The following PXDNL variants were observed in gnomAD, a reference collection of about 807,000 sequenced individuals.
PXDNL encodes the protein probable oxidoreductase PXDNL.
A neutral mutation model predicts 150.8 loss-of-function variants in PXDNL; 145 were observed. The observed-to-expected ratio is 0.96, with a 90% CI of 0.84 to 1.10. The LOEUF (loss-of-function observed/expected upper bound fraction) is 1.10. Ranked by LOEUF, PXDNL falls within the 50% of genes least tolerant of loss-of-function variation. PXDNL has a pLI of 0.00. For synonymous variants in PXDNL, 757 were observed against 725.7 expected (o/e 1.04, Z -0.69); for missense variants, 2,087 against 1,873.9 (o/e 1.11, Z -2.10).
At chr8:51,685,335 A>G (rs1266933421) in intron 1 of PXDNL, among the ~76,000 whole-genome samples, 2 of 152,220 alleles carry the variant, frequency 1.3e-5, no homozygotes, top group African/African-American at 4.8e-5. Context: ...CCCACATAAT[A>G]CAGGTTGTCT....
At chr8:51,560,939 C>CA (rs34861614) in intron 3 of PXDNL, among the ~76,000 whole-genome samples, 105 of 146,482 alleles carry the variant, frequency 7.2e-4, no homozygotes, top group Middle Eastern at 3.6e-3. Flanking sequence ...CAACAACAAC[C>CA]AAAAAAAAAA....
intron 17 of PXDNL, among the ~76,000 whole-genome samples, chr8:51,402,624 A>T (rs1310860336): frequency 2.0e-5 from 3 of 152,220 alleles, no homozygotes; most frequent in Non-Finnish European, 2.9e-5. Flanking sequence ...ATCCACAAAA[A>T]ATTACACACA....
At chr8:51,773,539 A>ACC (rs2037321911) in intron 1 of PXDNL, among the ~76,000 whole-genome samples, 1 of 152,206 alleles carries the variant, frequency 6.6e-6, no homozygotes, top group East Asian at 1.9e-4. Context: ...CAATAGCCCA[A>ACC]ACACCTTCTA....
At chr8:51,369,917 TC>T (rs1266569646) in intron 19 of PXDNL, among the ~76,000 whole-genome samples, 1 of 152,198 alleles carries the variant, frequency 6.6e-6, no homozygotes, top group South Asian at 2.1e-4. Context: ...GGAGCCCTCC[TC>T]CGAGTCTTCA....
intron 19 of PXDNL, among the ~76,000 whole-genome samples, chr8:51,353,068 C>T (rs1343370582): frequency 6.6e-6 from 1 of 151,968 alleles, no homozygotes; most frequent in Non-Finnish European, 1.5e-5. Flanking sequence ...AAAATGGCTA[C>T]AATCTTCTTC....
intron 3 of PXDNL, among the ~76,000 whole-genome samples, chr8:51,580,558 T>C (rs992970726): frequency 6.6e-6 from 1 of 152,172 alleles, no homozygotes; most frequent in Non-Finnish European, 1.5e-5. Context: ...ATCTGTTCAT[T>C]AGACTTTTGA....
At chr8:51,336,564 C>G (rs1184355571) in intron 21 of PXDNL, among the ~76,000 whole-genome samples, 2 of 152,188 alleles carry the variant, frequency 1.3e-5, no homozygotes, top group Non-Finnish European at 2.9e-5. Flanking sequence ...TCCCCATCTA[C>G]CTTTGGGTGC....
intron 8 of PXDNL, among the ~76,000 whole-genome samples, chr8:51,464,770 TG>T (rs1435493479): frequency 6.6e-6 from 1 of 152,156 alleles, no homozygotes; most frequent in African/African-American, 2.4e-5. Context: ...CTAATGTAGA[TG>T]ACAGGTTGAT....
chr8:51,321,718 T>A (rs1003435744), intron 21 of PXDNL, among the ~76,000 whole-genome samples: 1 of 152,190 alleles, frequency 6.6e-6, no homozygotes, highest in African/African-American at 2.4e-5. Context: ...CCAGTCATGC[T>A]TCCTGTTAAC....
chr8:51,543,661 G>A (rs200329760), intron 4 of PXDNL, among the ~76,000 whole-genome samples: 286 of 140,770 alleles, frequency 2.0e-3, no homozygotes, highest in East Asian at 6.6e-3. Context: ...ACAGTGAGTC[G>A]AGATCACGCC....
chr8:51,638,217 G>A (rs1012429701), intron 2 of PXDNL, among the ~76,000 whole-genome samples: 17 of 152,158 alleles, frequency 1.1e-4, no homozygotes, highest in African/African-American at 4.1e-4. Context: ...ACATGGAAAG[G>A]AACAACCGGT....
chr8:51,738,438 C>G (rs2036863909), intron 1 of PXDNL, among the ~76,000 whole-genome samples: 1 of 152,140 alleles, frequency 6.6e-6, no homozygotes, highest in Non-Finnish European at 1.5e-5. Context: ...CCACTTTCTC[C>G]CCACTTGGTA....
At chr8:51,760,243 T>TAA (rs1251019433) in intron 1 of PXDNL, among the ~76,000 whole-genome samples, 1 of 152,224 alleles carries the variant, frequency 6.6e-6, no homozygotes, top group African/African-American at 2.4e-5. Flanking sequence ...CACACTTGAT[T>TAA]GCCTAACTCC....
chr8:51,477,722 T>C (rs1252431097), intron 6 of PXDNL, among the ~76,000 whole-genome samples: 1 of 152,194 alleles, frequency 6.6e-6, no homozygotes, highest in Non-Finnish European at 1.5e-5. Context: ...ACACATCCCC[T>C]GGGAGCATCC....
intron 1 of PXDNL, among the ~76,000 whole-genome samples, chr8:51,775,006 G>C (rs551480406): frequency 6.6e-6 from 1 of 152,238 alleles, no homozygotes. Flanking sequence ...GTTTCTGAAA[G>C]TCTATGGTAA....
At chr8:51,449,212 G>A (rs1431636) in intron 10 of PXDNL, 94 bp from the exon 11 acceptor site, 424,136 of 671,612 alleles carry the variant, frequency 0.63, 141,601 homozygotes, top group Non-Finnish European at 0.7. Flanking sequence ...TATGTCATGT[G>A]ATCAGAATTT....
intron 21 of PXDNL, among the ~76,000 whole-genome samples, chr8:51,334,055 A>T (rs1805770278): frequency 6.6e-6 from 1 of 152,178 alleles, no homozygotes; most frequent in Admixed American, 6.5e-5. Context: ...TCCAAGATAG[A>T]TCATATGATA....
intron 21 of PXDNL, among the ~76,000 whole-genome samples, chr8:51,321,882 G>A (rs527649702): frequency 1.3e-5 from 2 of 152,290 alleles, no homozygotes; most frequent in East Asian, 1.9e-4. Context: ...GGACTGAACT[G>A]TGTTCCCCCA....
intron 12 of PXDNL, among the ~76,000 whole-genome samples, chr8:51,433,791 C>A (rs1809319165): frequency 6.6e-6 from 1 of 152,066 alleles, no homozygotes; most frequent in African/African-American, 2.4e-5. Flanking sequence ...TTAACCAACA[C>A]CTCATCTCAG....
Sources: gnomAD v4.1 joint callset for allele counts (sites outside exome capture counted in the v4.1 genomes callset) on GRCh38, gnomAD v4.1.1 for gene constraint, MANE v1.5 for transcripts, NCBI Gene and HGNC (gene_info 2026-07-23, HGNC 2026-07-21) for gene names.